MLLT3: variants seen among roughly 807,000 people sequenced by gnomAD.
The protein encoded by MLLT3 is protein AF-9.
In MLLT3, 4 loss-of-function variants were observed where a neutral mutation model predicts 53.2. That is an observed-to-expected ratio of 0.08 (90% CI 0.04 to 0.17). The LOEUF (loss-of-function observed/expected upper bound fraction) is 0.17, where lower values mean the gene tolerates loss of function less well. Ranked by LOEUF, MLLT3 falls within the 10% of genes least tolerant of loss-of-function variation. MLLT3 has a pLI of 1.00. For synonymous variants in MLLT3, 283 were observed against 230.6 expected, an observed-to-expected ratio of 1.23 and a Z score of -2.06; for missense variants, 569 against 684.0, an observed-to-expected ratio of 0.83 and a Z score of 1.87.
chr9:20,496,847 A>T (rs1051307032), intron 2 of MLLT3, among the ~76,000 whole-genome samples: 1 of 152,156 alleles, frequency 6.6e-6, no homozygotes, highest in Non-Finnish European at 1.5e-5. Context: ...TTTAGGCCCA[A>T]CATACCTATA....
At chr9:20,436,387 G>A (rs1217830754) in intron 4 of MLLT3, among the ~76,000 whole-genome samples, 1 of 152,126 alleles carries the variant, frequency 6.6e-6, no homozygotes, top group East Asian at 1.9e-4. Flanking sequence ...TGTATTTTCA[G>A]AAGCAAGAGA....
At chr9:20,399,712 G>T (rs1822407761) in intron 5 of MLLT3, among the ~76,000 whole-genome samples, 1 of 152,118 alleles carries the variant, frequency 6.6e-6, no homozygotes, top group African/African-American at 2.4e-5. Context: ...GGAGAAGAAA[G>T]AAAGATAAGG....
At chr9:20,393,755 T>A (rs148392623) in intron 5 of MLLT3, among the ~76,000 whole-genome samples, 4 of 152,128 alleles carry the variant, frequency 2.6e-5, no homozygotes, top group Non-Finnish European at 5.9e-5. Context: ...ATGTAGTAAT[T>A]AGTCATGCAT....
intron 4 of MLLT3, among the ~76,000 whole-genome samples, chr9:20,428,969 T>C (rs1178218062): frequency 2.0e-5 from 3 of 152,118 alleles, no homozygotes. Context: ...ATCAGATAAG[T>C]AGTTTGAAAT....
intron 5 of MLLT3, among the ~76,000 whole-genome samples, chr9:20,371,826 T>A (rs567913240): frequency 7.9e-5 from 12 of 152,236 alleles, no homozygotes; most frequent in Admixed American, 2.6e-4. Context: ...TGTAAGGCTA[T>A]AGGTGCCATA....
intron 5 of MLLT3, among the ~76,000 whole-genome samples, chr9:20,384,863 A>T (rs967870590): frequency 6.6e-6 from 1 of 152,100 alleles, no homozygotes; most frequent in African/African-American, 2.4e-5. Flanking sequence ...AATTTGACTC[A>T]CTAAGTGTAC....
At chr9:20,472,480 A>G (rs1824418952) in intron 2 of MLLT3, among the ~76,000 whole-genome samples, 1 of 152,096 alleles carries the variant, frequency 6.6e-6, no homozygotes, top group African/African-American at 2.4e-5. Flanking sequence ...CTGTCCAAGC[A>G]TTTTAGATCC....
At chr9:20,582,338 T>C (rs1264530373) in intron 2 of MLLT3, among the ~76,000 whole-genome samples, 2 of 152,152 alleles carry the variant, frequency 1.3e-5, no homozygotes, top group African/African-American at 4.8e-5. Flanking sequence ...CATAACAGTA[T>C]CAAAAAAAGT....
intron 5 of MLLT3, among the ~76,000 whole-genome samples, chr9:20,391,621 G>T (rs964573678): frequency 3.9e-5 from 6 of 152,146 alleles, no homozygotes; most frequent in Non-Finnish European, 8.8e-5. Flanking sequence ...GAGAAAATAT[G>T]CCAGCCTATG....
At chr9:20,497,051 C>T (rs773233991) in intron 2 of MLLT3, among the ~76,000 whole-genome samples, 2 of 152,136 alleles carry the variant, frequency 1.3e-5, no homozygotes, top group South Asian at 2.1e-4. Flanking sequence ...GTTCTTCTTC[C>T]GTGATCAAAC....
Position 20,341,947 on chromosome 9 carries a change from T to C in MLLT3, c.*4496A>G, listed in dbSNP as rs1397046210. On this transcript the variant is annotated 3_prime_UTR_variant, in exon 11 of 11. Coordinates refer to ENST00000380338, the MANE Select transcript of MLLT3 (RefSeq NM_004529.4). The stretch of plus-strand genomic sequence containing the variant: ...AGTTTTAAAAATATTATATATATAC[T>C]GGCTTTAGGACACAGAAGATGGTGT... The C allele has an allele frequency of 1.5e-5, 3 of 201,320 alleles. No homozygotes were observed. The highest frequency in any genetic ancestry group is 3.1e-5 in the Non-Finnish European group (3 of 97,878). The allele number at this position is 201,320 out of a possible 1,614,324, so 12.5% of individuals were successfully genotyped here.
At chr9:20,483,106 G>C (rs1824706287) in intron 2 of MLLT3, among the ~76,000 whole-genome samples, 1 of 152,174 alleles carries the variant, frequency 6.6e-6, no homozygotes, top group Non-Finnish European at 1.5e-5. Context: ...GAGGCCAACT[G>C]TGAATCATTT....
At chr9:20,584,082 A>G (rs1364106824) in intron 2 of MLLT3, among the ~76,000 whole-genome samples, 2 of 152,084 alleles carry the variant, frequency 1.3e-5, no homozygotes, top group East Asian at 3.9e-4. Flanking sequence ...CTGCTTAGAA[A>G]TTTTTTCTGC....
intron 2 of MLLT3, among the ~76,000 whole-genome samples, chr9:20,583,887 G>A (rs758865330): frequency 1.3e-5 from 2 of 152,132 alleles, no homozygotes; most frequent in Non-Finnish European, 2.9e-5. Flanking sequence ...ATGGTCTTGG[G>A]GATTAACATT....
chr9:20,361,406 G>A (rs1178392281), intron 7 of MLLT3, among the ~76,000 whole-genome samples: 2 of 152,158 alleles, frequency 1.3e-5, no homozygotes, highest in African/African-American at 4.8e-5. Flanking sequence ...CATAAAGAAT[G>A]TAGAAAACAG....
intron 2 of MLLT3, among the ~76,000 whole-genome samples, chr9:20,474,924 A>G (rs1824483782): frequency 6.6e-6 from 1 of 152,154 alleles, no homozygotes; most frequent in Admixed American, 6.6e-5. Flanking sequence ...ACTTTATTAC[A>G]TATGTCCACA....
chr9:20,483,917 T>C (rs1305597173), intron 2 of MLLT3, among the ~76,000 whole-genome samples: 3 of 151,678 alleles, frequency 2.0e-5, no homozygotes, highest in Non-Finnish European at 4.4e-5. Flanking sequence ...TTCACCGTGT[T>C]AGCCAGGATG....
chr9:20,360,729 C>A lies in MLLT3; in HGVS notation c.1431+13G>T, dbSNP rs747916270. ...TCTGCAGAGTCTTGCAAAGTGCAAA[C>A]CCCACAATTTACCTGGTTGTTGTTG... is the stretch of plus-strand genomic sequence containing the variant. On this transcript the variant is annotated intron_variant, in intron 8 of 10. Coordinates refer to ENST00000380338, the MANE Select transcript of MLLT3 (RefSeq NM_004529.4). 1 of 1,607,342 alleles carries A rather than the reference C, an allele frequency of 6.2e-7. No individual in the cohort carries two copies. Among genetic ancestry groups the A allele is most frequent in the Non-Finnish European group, 8.5e-7 (1 of 1,173,808 alleles).
intron 2 of MLLT3, among the ~76,000 whole-genome samples, chr9:20,569,993 C>G (rs1819488367): frequency 6.6e-6 from 1 of 152,192 alleles, no homozygotes; most frequent in South Asian, 2.1e-4. Context: ...TCCCTCCACT[C>G]TGACAACACA....
Sources: allele counts gnomAD v4.1 joint callset (sites outside exome capture counted in the v4.1 genomes callset), GRCh38; gene constraint gnomAD v4.1.1; transcripts MANE v1.5; gene names NCBI Gene and HGNC (gene_info 2026-07-23, HGNC 2026-07-21).